The following AFDN variants were observed in gnomAD, a reference collection of about 807,000 sequenced individuals.
AFDN encodes afadin.
AFDN carries 68 observed loss-of-function variants against 216.6 expected under a neutral mutation model. The observed-to-expected ratio is 0.31, with a 90% CI of 0.26 to 0.38. The LOEUF is 0.38. Ranked by LOEUF, AFDN falls within the 10% of genes least tolerant of loss-of-function variation. The pLI is 1.00. For missense variants in AFDN, 2,136 were observed against 2,342.0 expected, an observed-to-expected ratio of 0.91 and a Z score of 1.82; for synonymous variants, 868 against 853.7, an observed-to-expected ratio of 1.02 and a Z score of -0.29.
intron 23 of AFDN, among the ~76,000 whole-genome samples, chr6:167,932,186 G>C (rs150438515): frequency 6.6e-6 from 1 of 152,116 alleles, no homozygotes; most frequent in Non-Finnish European, 1.5e-5. Context: ...TATAAGCTGC[G>C]TGGTTTTTGT....
chr6:167,877,489 C>T (rs1237398018), intron 5 of AFDN, among the ~76,000 whole-genome samples: 1 of 152,038 alleles, frequency 6.6e-6, no homozygotes, highest in Non-Finnish European at 1.5e-5. Flanking sequence ...AGCAGAACAT[C>T]AAAGTACAGC....
Position 167,911,086 on chromosome 6 carries a change from G to A in AFDN, c.1770-15G>A. 1 of 1,607,892 alleles carries A rather than the reference G, an allele frequency of 6.2e-7. No homozygotes were observed. The highest frequency in any genetic ancestry group is 8.5e-7 in the Non-Finnish European group (1 of 1,177,902). On this transcript the variant is annotated splice_polypyrimidine_tract_variant and intron_variant, in intron 13 of 33. Transcript: ENST00000683244. ...TGTGACCTTATTTTAAGTGATGTCAGCTTTCTTCTTTTAGAACACAGGATG... is the reference window on the plus strand; with the variant it reads ...TGTGACCTTATTTTAAGTGATGTCAACTTTCTTCTTTTAGAACACAGGATG...
At chr6:167,849,314 T>G (rs1244612844) in intron 1 of AFDN, among the ~76,000 whole-genome samples, 5 of 151,728 alleles carry the variant, frequency 3.3e-5, no homozygotes, top group Non-Finnish European at 4.4e-5. Flanking sequence ...ATGTAACTTG[T>G]GGGGGGGGAG....
Position 167,971,195 on chromosome 6 carries a change from C to T in AFDN, c.*1260C>T, listed in dbSNP as rs572647937. On this transcript the variant is annotated 3_prime_UTR_variant, in exon 34 of 34. Transcript: ENST00000683244. The stretch of plus-strand genomic sequence containing the variant: ...TGGAGTCCAAATGATTTTTCTGTAC[C>T]ATATTGTTCTCTTACACATACGTAT... 2 of 219,894 alleles carry T rather than the reference C, an allele frequency of 9.1e-6. No homozygotes were observed. Among genetic ancestry groups the T allele is most frequent in the African/African-American group, 4.5e-5 (2 of 44,692 alleles). The allele number at this position is 219,894 out of a possible 1,614,324, so 13.6% of individuals were successfully genotyped here. A position where few individuals can be genotyped will look rare whatever the true frequency, so the allele number is the denominator to read the frequency against.
intron 1 of AFDN, among the ~76,000 whole-genome samples, chr6:167,851,561 A>G (rs1479625258): frequency 6.6e-6 from 1 of 152,200 alleles, no homozygotes; most frequent in African/African-American, 2.4e-5. Context: ...AGTGCCTCAT[A>G]TGTGGCAGGT....
chr6:167,969,717 T>C (rs1797890742), intron 33 of AFDN, 65 bp from the exon 34 acceptor site: 47 of 1,476,780 alleles, frequency 3.2e-5, no homozygotes, highest in Middle Eastern at 3.5e-4. Context: ...TTTGCAAACG[T>C]GTGTAATTGT....
At position 167,948,290 on chromosome 6, in the gene AFDN, C is replaced by T. The variant is rs1342574603; in HGVS notation, c.3646-3C>T. 1 of 1,596,134 alleles carries T rather than the reference C, an allele frequency of 6.3e-7. No homozygotes were observed. The highest frequency in any genetic ancestry group is 1.8e-5 in the Admixed American group (1 of 56,308). ...CACTTTTTTTGTTCTTCACATTTTA[C>T]AGGAGCAGACGCCTCCGCCTAGACC... On this transcript the variant is annotated splice_region_variant and splice_polypyrimidine_tract_variant and intron_variant, in intron 28 of 33. Transcript: ENST00000683244.
chr6:167,964,169 T>C lies in AFDN; in HGVS notation c.4969-1588T>C. The C allele has an allele frequency of 2.8e-6, 3 of 1,063,766 alleles. No individual in the cohort carries two copies. The South Asian group carries it at 1.4e-4, about 48-fold the overall frequency. The allele number at this position is 1,063,766 out of a possible 1,614,324, so 65.9% of individuals were successfully genotyped here. On this transcript the variant is annotated intron_variant, in intron 31 of 33. Transcript: ENST00000683244. ...TTGTGTTAGTAACTGCTTCTATAAT[T>C]AAGTGGTCACTGTAAAAAGGCGAAT...
intron 16 of AFDN, 145 bp from the exon 17 acceptor site, chr6:167,914,023 T>C: frequency 1.3e-6 from 1 of 759,194 alleles, no homozygotes; most frequent in Non-Finnish European, 2.1e-6. Flanking sequence ...CAAATTATTT[T>C]GCAAATATCT....
At chr6:167,870,259 C>G (rs895973187) in intron 2 of AFDN, 127 bp from the exon 3 acceptor site, 8 of 576,334 alleles carry the variant, frequency 1.4e-5, no homozygotes, top group Non-Finnish European at 2.5e-5. Flanking sequence ...ACATTTTGAA[C>G]AATACATTTC....
chr6:167,863,860 A>G (rs1783862987), intron 1 of AFDN: 1 of 511,696 alleles, frequency 2.0e-6, no homozygotes, highest in Non-Finnish European at 3.9e-6. Flanking sequence ...TAGTTCATTT[A>G]GAAAATTAGT....
At chr6:167,934,031 C>T (rs1293631691) in intron 23 of AFDN, among the ~76,000 whole-genome samples, 1 of 152,174 alleles carries the variant, frequency 6.6e-6, no homozygotes, top group African/African-American at 2.4e-5. Context: ...TCTCTTGTGC[C>T]TGAAAATCTG....
chr6:167,936,803 C>T (rs1359541785), intron 23 of AFDN, among the ~76,000 whole-genome samples: 1 of 152,114 alleles, frequency 6.6e-6, no homozygotes, highest in African/African-American at 2.4e-5. Context: ...AAACCTTGGA[C>T]AAGTGGACAC....
At chr6:167,923,111 A>G (rs1443438600) in intron 22 of AFDN, 152 bp downstream of exon 22, 1 of 568,108 alleles carries the variant, frequency 1.8e-6, no homozygotes, top group Non-Finnish European at 3.1e-6. Context: ...TTCAAGCCAT[A>G]ATTCATATAT....
At chr6:167,898,677 C>G (rs1194492340) in intron 11 of AFDN, among the ~76,000 whole-genome samples, 1 of 152,154 alleles carries the variant, frequency 6.6e-6, no homozygotes, top group Non-Finnish European at 1.5e-5. Context: ...GAATTTCTCA[C>G]TGGTTTTAAA....
At chr6:167,953,213 A>G (rs939038725) in intron 30 of AFDN, among the ~76,000 whole-genome samples, 5 of 152,074 alleles carry the variant, frequency 3.3e-5, no homozygotes, top group Admixed American at 6.5e-5. Context: ...TTCTAATTTC[A>G]ACTGTTTTTT....
rs370557397 is a variant in AFDN, at chr6:167,927,502, A to C, written c.3099+2411A>C. On this transcript the variant is annotated intron_variant, in intron 23 of 33. Transcript: ENST00000683244. ...GGATTTAGAACAAAAGAGGAACATG[A>C]TGAAACTGACATTTTAGGAGGCTTC... 1.8e-4 allele frequency among the ~76,000 whole-genome samples: 28 copies of C among 152,348 alleles called. 1 individual carries two copies. The highest frequency in any genetic ancestry group is 6.7e-4 in the African/African-American group (28 of 41,580).
At chr6:167,883,579 T>C (rs918631321) in intron 6 of AFDN, among the ~76,000 whole-genome samples, 5 of 152,200 alleles carry the variant, frequency 3.3e-5, no homozygotes, top group Admixed American at 1.3e-4. Flanking sequence ...GTATAGTGAA[T>C]CACAGGAGTG....
At chr6:167,889,907 T>G (rs1430429665) in intron 7 of AFDN, among the ~76,000 whole-genome samples, 4 of 152,202 alleles carry the variant, frequency 2.6e-5, no homozygotes, top group Non-Finnish European at 5.9e-5. Context: ...TTGGACAAAT[T>G]TGTTATGATA....
Sources: gnomAD v4.1 joint callset for allele counts (sites outside exome capture counted in the v4.1 genomes callset) on GRCh38, gnomAD v4.1.1 for gene constraint, MANE v1.5 for transcripts, NCBI Gene and HGNC (gene_info 2026-07-23, HGNC 2026-07-21) for gene names.